The following MUC12 variants were observed in gnomAD, a reference collection of about 807,000 sequenced individuals.
MUC12 encodes the protein mucin 12, cell surface associated, also known as mucin-12.
In MUC12, 172 loss-of-function variants were observed where a neutral mutation model predicts 230.8. The ratio of observed to expected loss-of-function variants is 0.75; its 90% CI spans 0.66 to 0.85. MUC12 has a LOEUF of 0.85. Among genes scored for constraint, MUC12 ranks in the 40% least tolerant of loss-of-function variants. The probability of loss-of-function intolerance (pLI) is 0.00; values close to 1 mark genes in which losing one functional copy is unlikely to be tolerated. For missense variants in MUC12, 3,506 were observed against 5,920.6 expected (o/e 0.59, Z 13.38); for synonymous variants, 1,259 against 2,401.9 (o/e 0.52, Z 13.91).
Position 100,990,719 on chromosome 7 carries a change from TG to T in MUC12, c.160del (p.Val54CysfsTer80). ...SDPFTTFSDY[G>X]VSVTFITGST... The stretch of plus-strand genomic sequence containing the variant: ...ACCCTTTTACCACCTTTAGTGACTA[TG>T]GGGTGTCAGTCACATTTATCACGGG... On this transcript the variant is annotated frameshift_variant, in exon 2 of 12. Coordinates refer to ENST00000536621, the MANE Select transcript of MUC12 (RefSeq NM_001164462.2). LOFTEE classifies it high-confidence loss of function. The T allele has an allele frequency of 1.3e-6, 2 of 1,537,894 alleles. No homozygotes were observed. The highest frequency in any genetic ancestry group is 1.7e-6 in the Non-Finnish European group (2 of 1,147,062).
At chr7:100,984,005 G>A (rs1356443878) in intron 1 of MUC12, among the ~76,000 whole-genome samples, 1 of 152,204 alleles carries the variant, frequency 6.6e-6, no homozygotes, top group East Asian at 1.9e-4. Context: ...CCTTCATGTG[G>A]GCCTCTGCTG....
chr7:101,018,338 T>C, intron 11 of MUC12, among the ~76,000 whole-genome samples: 1 of 62,302 alleles, frequency 1.6e-5, no homozygotes, highest in East Asian at 4.6e-4. Context: ...GACTCCCTTC[T>C]CCCCCTAGGA....
chr7:100,985,053 G>A (rs1178437082), intron 1 of MUC12, among the ~76,000 whole-genome samples: 2 of 151,846 alleles, frequency 1.3e-5, no homozygotes, highest in African/African-American at 2.4e-5. Context: ...TTTTAGTAGA[G>A]ATGGGGTTTC....
Position 100,992,452 on chromosome 7 carries a change from A to T in MUC12, c.1889A>T (p.Glu630Val). The change falls in exon 2 of 12, where the codon GAA becomes GTA. Residue 630 changes from glutamate to valine, a missense_variant. Transcript: ENST00000536621. ...SPAGSTTRQG[E>V]STTFHSWPSS... ...GCCGGCTCTACAACCCGTCAGGGAG[A>T]ATCTACCACATTCCATAGCTGGCCA... The T allele has an allele frequency of 1.3e-6, 2 of 1,537,836 alleles. No individual in the cohort carries two copies. The highest frequency in any genetic ancestry group is 3.3e-4 in the Middle Eastern group (2 of 5,994).
At position 101,004,719 on chromosome 7, in the gene MUC12, G is replaced by C; in HGVS notation, c.14156G>C (p.Gly4719Ala). 1.3e-6 allele frequency: 2 copies of C among 1,536,944 alleles called. No homozygotes were observed. The highest frequency in any genetic ancestry group is 3.9e-5 in the Admixed American group (2 of 50,974). ...TCTACCACCTTCTATATCTCTCCAGGCTCAATGGAAACAACATTAGCCAGC... is the reference window on the plus strand; with the variant it reads ...TCTACCACCTTCTATATCTCTCCAGCCTCAATGGAAACAACATTAGCCAGC... The part of the protein sequence containing the change: ...AESTTFYISP[G>A]SMETTLASTA... The change falls in exon 2 of 12, where the codon GGC (glycine) becomes GCC (alanine). Residue 4719 changes from glycine (G) to alanine (A), a missense_variant. Physicochemically the swap from Gly to Ala is moderately conservative, Grantham distance 60. Transcript: ENST00000536621.
At chr7:100,975,123 C>G (rs1309359912) in intron 1 of MUC12, among the ~76,000 whole-genome samples, 1 of 152,308 alleles carries the variant, frequency 6.6e-6, no homozygotes, top group East Asian at 1.9e-4. Context: ...GTCTAGAATT[C>G]TACCTTTTCC....
At chr7:100,973,165 C>T (rs1792945883) in intron 1 of MUC12, 2 of 618,212 alleles carry the variant, frequency 3.2e-6, no homozygotes, top group Non-Finnish European at 5.8e-6. Context: ...TCAGAGAGGC[C>T]ATTGAGAGGC....
In MUC12 at chr7:100,991,872, T is replaced by C. The variant is rs1309318475; in HGVS notation, c.1309T>C (p.Ser437Pro). 1 of 1,537,562 alleles carries C rather than the reference T, an allele frequency of 6.5e-7. No individual in the cohort carries two copies. Among genetic ancestry groups the C allele is most frequent in the Non-Finnish European group, 8.7e-7 (1 of 1,146,850 alleles). ...SSTISGRSEE[S>P]KASHSSPDAM... ...CACAATCTCAGGCCGTAGTGAGGAATCAAAAGCATCCCACAGCAGCCCAGA... is the reference window on the plus strand; with the variant it reads ...CACAATCTCAGGCCGTAGTGAGGAACCAAAAGCATCCCACAGCAGCCCAGA... The change falls in exon 2 of 12, where the codon TCA (serine) becomes CCA (proline). Residue 437 changes from serine to proline, a missense_variant. Ser to Pro is a moderately conservative substitution (Grantham distance 74). Coordinates refer to ENST00000536621, the MANE Select transcript of MUC12 (RefSeq NM_001164462.2).
rs773754972 is a variant in MUC12, at chr7:101,014,280, A to C, written c.15800+206A>C. 159 of 494,382 alleles carry C rather than the reference A, an allele frequency of 3.2e-4. 1 individual carries two copies. The highest frequency in any genetic ancestry group is 1.2e-3 in the Admixed American group (30 of 26,014). 30.6% of individuals were successfully genotyped at this position (494,382 alleles called of 1,614,324 possible). A position where few individuals can be genotyped will look rare whatever the true frequency, so the allele number is the denominator to read the frequency against. On this transcript the variant is annotated intron_variant, in intron 9 of 11. Coordinates refer to ENST00000536621, the MANE Select transcript of MUC12 (RefSeq NM_001164462.2). ...GGATACATCAATTTGGCAGTGTTTT[A>C]GTCCATTTTGTGCTATTATAACAGA... is the stretch of plus-strand genomic sequence containing the variant.
chr7:101,005,832 C>T (rs1173925975), intron 2 of MUC12, among the ~76,000 whole-genome samples: 1 of 149,492 alleles, frequency 6.7e-6, no homozygotes. Flanking sequence ...GAGTGTTGCT[C>T]TGTTGCCCAG....
At chr7:100,973,182 A>T (rs1792946318) in intron 1 of MUC12, 1 of 612,488 alleles carries the variant, frequency 1.6e-6, no homozygotes, top group Non-Finnish European at 2.9e-6. Context: ...AGGCACCCAA[A>T]GCTATCCTGG....
intron 1 of MUC12, 88 bp downstream of exon 1, chr7:100,969,777 G>T: frequency 2.0e-6 from 3 of 1,523,112 alleles, no homozygotes; most frequent in Non-Finnish European, 1.8e-6. Flanking sequence ...GGCTGCAGGT[G>T]GCCTCCTCCC....
At chr7:100,972,088 A>G (rs777575939) in intron 1 of MUC12, 1 of 703,152 alleles carries the variant, frequency 1.4e-6, no homozygotes, top group South Asian at 1.5e-5. Flanking sequence ...ATCTGATTAG[A>G]TCCAGAGACC....
rs775988490 is a variant in MUC12 at position 101,003,365 on chromosome 7, C to A, written c.12802C>A (p.Leu4268Ile). The A allele has an allele frequency of 1.6e-5, 25 of 1,524,830 alleles. 2 individuals are homozygous for A. In the African/African-American group the frequency reaches 3.5e-4, roughly 22 times the overall value. The allele number at this position is 1,524,830 out of a possible 1,614,324, so 94.5% of individuals were successfully genotyped here. ...CCCTGGCAGTACCACAGCATCATCC[C>A]TTGGTCCAGAATCTACTACCTTCCA... ...LSPGSTTASS[L>I]GPESTTFHSS... is the part of the protein sequence containing the mutation. The change falls in exon 2 of 12, where the codon CTT becomes ATT. Residue 4268 changes from leucine to isoleucine, a missense_variant. Leu to Ile is a conservative substitution (Grantham distance 5, BLOSUM62 2). Transcript: ENST00000536621.
chr7:101,008,941 CATT>C (rs1793799365), intron 4 of MUC12, among the ~76,000 whole-genome samples, 151 bp from the exon 5 acceptor site: 1 of 152,192 alleles, frequency 6.6e-6, no homozygotes, highest in African/African-American at 2.4e-5. Flanking sequence ...ACATGACCCA[CATT>C]ATGGCAGAGG....
At chr7:101,011,764 A>G (rs1793842337) in intron 5 of MUC12, among the ~76,000 whole-genome samples, 1 of 152,166 alleles carries the variant, frequency 6.6e-6, no homozygotes, top group African/African-American at 2.4e-5. Flanking sequence ...TCCACAATAG[A>G]CCACATTTGT....
Position 100,992,230 on chromosome 7 carries a change from C to T in MUC12, c.1667C>T (p.Pro556Leu), listed in dbSNP as rs1395479444. 4 of 1,537,294 alleles carry T rather than the reference C, an allele frequency of 2.6e-6. No individual in the cohort carries two copies. In the Admixed American group the frequency reaches 5.9e-5, roughly 23 times the overall value. Residue 556 changes from proline to leucine, a missense_variant, in exon 2 of 12, where the codon CCA becomes CTA. Transcript: ENST00000536621. ...GAATCTACAGCTTCCCACAGCAGCC[C>T]AGGCCCCACAGACACAACATTGTCC... ...SQESTASHSS[P>L]GPTDTTLSPG...
Position 101,015,622 on chromosome 7 carries a change from T to C in MUC12, c.15808T>C (p.Tyr5270His). The C allele has an allele frequency of 6.5e-7, 1 of 1,537,624 alleles. No homozygotes were observed. Among genetic ancestry groups the C allele is most frequent in the Non-Finnish European group, 8.7e-7 (1 of 1,146,968 alleles). Residue 5270 changes from tyrosine (Y) to histidine (H), a missense_variant, in exon 10 of 12, where the codon TAT becomes CAT. By Grantham distance (83) the Tyr-to-His change is moderately conservative. Coordinates refer to ENST00000536621, the MANE Select transcript of MUC12 (RefSeq NM_001164462.2). ...LSQRKRHREQYDVPQEWRKEG... is the reference protein window; with the variant it reads ...LSQRKRHREQHDVPQEWRKEG... ...AGGCATTTCTGTCTGCAGGGAACAG[T>C]ATGATGTGCCTCAAGAGTGGCGAAA... is the stretch of plus-strand genomic sequence containing the variant.
chr7:100,971,979 G>A, intron 1 of MUC12: 1 of 687,274 alleles, frequency 1.5e-6, no homozygotes, highest in Non-Finnish European at 2.7e-6. Context: ...GAATCCCTTA[G>A]TGTGCAAAAC....
Sources: allele counts gnomAD v4.1 joint callset (sites outside exome capture counted in the v4.1 genomes callset), GRCh38; gene constraint gnomAD v4.1.1; transcripts MANE v1.5; gene names NCBI Gene and HGNC (gene_info 2026-07-23, HGNC 2026-07-21).